The following CLSTN2 variants were observed in gnomAD, a reference collection of about 807,000 sequenced individuals.
CLSTN2 encodes the protein calsyntenin 2, also known as calsyntenin-2.
In CLSTN2, 48 loss-of-function variants were observed where a neutral mutation model predicts 101.2. The observed-to-expected ratio is 0.47, with a 90% confidence interval of 0.38 to 0.60. The LOEUF (loss-of-function observed/expected upper bound fraction) is 0.60. Among genes scored for constraint, CLSTN2 ranks in the 20% least tolerant of loss-of-function variants. The pLI, the probability that CLSTN2 is intolerant of heterozygous loss-of-function variation, is 0.00. For synonymous variants in CLSTN2, 481 were observed against 463.6 expected (o/e 1.04, Z -0.48); for missense variants, 1,160 against 1,238.2 (o/e 0.94, Z 0.95).
intron 8 of CLSTN2, among the ~76,000 whole-genome samples, chr3:140,511,487 A>C (rs1455166873): frequency 6.6e-6 from 1 of 150,406 alleles, no homozygotes; most frequent in Non-Finnish European, 1.5e-5. Flanking sequence ...TCCCACCAAC[A>C]GTGTAAAAGC....
At chr3:140,377,022 C>CACACAGAGAGAGAGAGAGAG (rs148236356) in intron 2 of CLSTN2, among the ~76,000 whole-genome samples, 10 of 148,722 alleles carry the variant, frequency 6.7e-5, no homozygotes, top group East Asian at 2.0e-4. Context: ...CACACATACA[C>CACACAGAGAGAGAGAGAGAG]AGAGAGAGAG....
intron 10 of CLSTN2, among the ~76,000 whole-genome samples, chr3:140,550,349 T>C (rs1935679439): frequency 6.6e-6 from 1 of 151,288 alleles, no homozygotes; most frequent in Non-Finnish European, 1.5e-5. Flanking sequence ...AAGGCAAGAT[T>C]GACTTTCCAA....
At chr3:140,440,992 T>G (rs1265810885) in intron 5 of CLSTN2, among the ~76,000 whole-genome samples, 1 of 152,252 alleles carries the variant, frequency 6.6e-6, no homozygotes, top group Non-Finnish European at 1.5e-5. Context: ...TGAAACTGGT[T>G]GCAGATCCAG....
intron 1 of CLSTN2, among the ~76,000 whole-genome samples, chr3:140,061,059 A>G (rs1365361401): frequency 6.6e-6 from 1 of 152,164 alleles, no homozygotes; most frequent in Non-Finnish European, 1.5e-5. Flanking sequence ...TACTCAGCCT[A>G]GGGGCCAGAA....
rs1935954273 is a variant in CLSTN2 at position 140,563,240 on chromosome 3, G to T, written c.2482+37G>T. The T allele has an allele frequency of 1.9e-6, 3 of 1,605,906 alleles. No homozygotes were observed. In the South Asian group the frequency reaches 3.3e-5, roughly 18 times the overall value. On this transcript the variant is annotated intron_variant, in intron 15 of 16. Coordinates refer to ENST00000458420, the MANE Select transcript of CLSTN2 (RefSeq NM_022131.3). ...AAGAGGAGGGACCCTCAGGACACAG[G>T]TCGTCATTGTGACTCAAGATTATCT... is the stretch of plus-strand genomic sequence containing the variant.
At position 140,566,423 on chromosome 3, in the gene CLSTN2, A is replaced by G. The variant is rs1936028727; in HGVS notation, c.*170A>G. On this transcript the variant is annotated 3_prime_UTR_variant, in exon 17 of 17. Coordinates refer to ENST00000458420, the MANE Select transcript of CLSTN2 (RefSeq NM_022131.3). Reference sequence around the variant, plus strand: ...CTTGGGCACTCCCTGTGTTTCATCCATGGGGAAGTTCCAAGAAGCCCAGCA... The same window carrying G: ...CTTGGGCACTCCCTGTGTTTCATCCGTGGGGAAGTTCCAAGAAGCCCAGCA... 6.0e-6 allele frequency: 4 copies of G among 662,688 alleles called. 1 individual carries two copies. Among genetic ancestry groups the G allele is most frequent in the Admixed American group, 2.8e-5 (1 of 35,382 alleles). 41.1% of individuals were successfully genotyped at this position (662,688 alleles called of 1,614,324 possible).
intron 11 of CLSTN2, among the ~76,000 whole-genome samples, chr3:140,557,916 C>G (rs1453837294): frequency 1.3e-5 from 2 of 152,204 alleles, no homozygotes; most frequent in African/African-American, 4.8e-5. Flanking sequence ...TGGTCAGCTT[C>G]TTTTCTATAT....
intron 5 of CLSTN2, among the ~76,000 whole-genome samples, chr3:140,427,508 G>A (rs560081267): frequency 1.7e-3 from 264 of 152,148 alleles, no homozygotes; most frequent in African/African-American, 6.2e-3. Context: ...CTAGTGGGCA[G>A]TGGGATTGTC....
chr3:140,484,999 G>A (rs532150966), intron 8 of CLSTN2, among the ~76,000 whole-genome samples: 1 of 152,282 alleles, frequency 6.6e-6, no homozygotes, highest in East Asian at 1.9e-4. Flanking sequence ...TCCATTGCTG[G>A]TGAGGAGCTG....
rs1226532954 is a variant in CLSTN2, at chr3:140,403,685, C to T, written c.289C>T (p.Leu97Phe). 9.3e-6 allele frequency: 15 copies of T among 1,614,150 alleles called. No homozygotes were observed. The highest frequency in any genetic ancestry group is 1.2e-5 in the Non-Finnish European group (14 of 1,179,996). Residue 97 changes from leucine to phenylalanine, a missense_variant, in exon 3 of 17, where the codon CTC becomes TTC. Leu to Phe is a conservative substitution (Grantham distance 22). Coordinates refer to ENST00000458420, the MANE Select transcript of CLSTN2 (RefSeq NM_022131.3). ...GQELPFEAVV[L>F]NKTSGEGRLR... ...GGAGCTGCCCTTTGAGGCTGTGGTG[C>T]TCAACAAGACATCAGGAGAGGGCCG...
At chr3:140,102,398 C>A (rs1399694733) in intron 1 of CLSTN2, among the ~76,000 whole-genome samples, 4 of 152,212 alleles carry the variant, frequency 2.6e-5, no homozygotes, top group African/African-American at 7.2e-5. Flanking sequence ...CAGCCAAAAG[C>A]TTGTGGTCAT....
chr3:139,957,150 A>G (rs926358347), intron 1 of CLSTN2, among the ~76,000 whole-genome samples: 1 of 152,192 alleles, frequency 6.6e-6, no homozygotes, highest in African/African-American at 2.4e-5. Flanking sequence ...ACAGCAGGTG[A>G]TGCCTGCTCT....
At chr3:140,524,983 A>G (rs978198528) in intron 8 of CLSTN2, among the ~76,000 whole-genome samples, 1 of 152,242 alleles carries the variant, frequency 6.6e-6, no homozygotes, top group African/African-American at 2.4e-5. Context: ...AAATGCCTTC[A>G]TTAAGAGGTT....
chr3:140,232,396 T>C (rs1298053878), intron 2 of CLSTN2, among the ~76,000 whole-genome samples: 1 of 152,118 alleles, frequency 6.6e-6, no homozygotes, highest in African/African-American at 2.4e-5. Flanking sequence ...TCCTCATGGG[T>C]GCCCTTTTCC....
intron 11 of CLSTN2, 81 bp from the exon 12 acceptor site, chr3:140,558,556 AGGT>A: frequency 9.4e-7 from 1 of 1,069,518 alleles, no homozygotes; most frequent in Non-Finnish European, 1.4e-6. Context: ...TAAGAACTGG[AGGT>A]GGCAACCCCT....
intron 2 of CLSTN2, among the ~76,000 whole-genome samples, chr3:140,321,910 C>T (rs919897708): frequency 3.3e-5 from 5 of 152,166 alleles, no homozygotes; most frequent in South Asian, 2.1e-4. Context: ...CTGAAGGCTG[C>T]AGCCTTGTGT....
chr3:140,521,865 G>A (rs542868537), intron 8 of CLSTN2, among the ~76,000 whole-genome samples: 1 of 152,312 alleles, frequency 6.6e-6, no homozygotes, highest in East Asian at 1.9e-4. Flanking sequence ...CGTTGAAGTG[G>A]GGCCCGCAGA....
chr3:139,954,465 G>A (rs1399256538), intron 1 of CLSTN2, among the ~76,000 whole-genome samples: 2 of 152,060 alleles, frequency 1.3e-5, no homozygotes, highest in African/African-American at 4.8e-5. Flanking sequence ...TTTTCCTCTG[G>A]GCTCAGGACT....
At chr3:140,379,209 G>T (rs6769574) in intron 2 of CLSTN2, among the ~76,000 whole-genome samples, 145,414 of 152,264 alleles carry the variant, frequency 0.96, 69,782 homozygotes, top group East Asian at 1. Context: ...GCCAGCAGGA[G>T]CTGAGACCAT....
Sources: allele counts gnomAD v4.1 joint callset (sites outside exome capture counted in the v4.1 genomes callset), GRCh38; gene constraint gnomAD v4.1.1; transcripts MANE v1.5; gene names NCBI Gene and HGNC (gene_info 2026-07-23, HGNC 2026-07-21).